The following POLQ variants were observed in gnomAD, a reference collection of about 807,000 sequenced individuals.
POLQ encodes epididymis secretory sperm binding protein.
In POLQ, 233 loss-of-function variants were observed where a neutral mutation model predicts 259.2. The ratio of observed to expected loss-of-function variants is 0.90; its 90% CI spans 0.81 to 1.00. POLQ has a LOEUF of 1.00. Ranked by LOEUF, POLQ falls within the 50% of genes least tolerant of loss-of-function variation. POLQ has a pLI of 0.00. For synonymous variants in POLQ, 1,025 were observed against 1,048.8 expected, an observed-to-expected ratio of 0.98 and a Z score of 0.44; for missense variants, 2,871 against 3,051.6, an observed-to-expected ratio of 0.94 and a Z score of 1.39.
At chr3:121,455,945 T>A (rs912761920) in intron 25 of POLQ, among the ~76,000 whole-genome samples, 43 of 152,134 alleles carry the variant, frequency 2.8e-4, no homozygotes, top group African/African-American at 9.9e-4. Flanking sequence ...AGAATTTTAG[T>A]CCAAAGTCCT....
At chr3:121,479,995 A>G (rs1031961925) in intron 19 of POLQ, among the ~76,000 whole-genome samples, 1 of 152,062 alleles carries the variant, frequency 6.6e-6, no homozygotes, top group East Asian at 1.9e-4. Context: ...GACATTAAAT[A>G]ATAATATTAT....
At chr3:121,509,789 A>C in intron 11 of POLQ, 86 bp from the exon 12 acceptor site, 1 of 1,331,974 alleles carries the variant, frequency 7.5e-7, no homozygotes, top group Non-Finnish European at 1.0e-6. Context: ...TTTCCATGCT[A>C]ACCCTCCCGG....
chr3:121,491,589 C>G (rs1438618019), intron 15 of POLQ, among the ~76,000 whole-genome samples: 2 of 152,050 alleles, frequency 1.3e-5, no homozygotes, highest in South Asian at 2.1e-4. Context: ...TAGATAACAA[C>G]CTGGAGTTCA....
chr3:121,458,199 C>T (rs956298706), intron 25 of POLQ, among the ~76,000 whole-genome samples: 1 of 151,772 alleles, frequency 6.6e-6, no homozygotes, highest in Non-Finnish European at 1.5e-5. Context: ...AACACATGGA[C>T]ACAGGAAGGG....
At chr3:121,433,189 C>T (rs1170317197) in intron 28 of POLQ, among the ~76,000 whole-genome samples, 156 bp from the exon 29 acceptor site, 1 of 152,184 alleles carries the variant, frequency 6.6e-6, no homozygotes, top group East Asian at 1.9e-4. Flanking sequence ...CTGGTCGCTA[C>T]CTACCCTAAG....
intron 26 of POLQ, among the ~76,000 whole-genome samples, chr3:121,446,543 A>G (rs1047353237): frequency 6.6e-6 from 1 of 152,036 alleles, no homozygotes; most frequent in Non-Finnish European, 1.5e-5. Flanking sequence ...ATCTCCAGTT[A>G]TTATTATTGG....
chr3:121,483,586 T>TTA lies in POLQ; in HGVS notation c.5774-5_5774-4insTA. The TTA allele has an allele frequency of 7.8e-7, 1 of 1,277,412 alleles. No individual in the cohort carries two copies. The highest frequency in any genetic ancestry group is 1.0e-6 in the Non-Finnish European group (1 of 969,098). The allele number at this position is 1,277,412 out of a possible 1,614,324, so 79.1% of individuals were successfully genotyped here. A position where few individuals can be genotyped will look rare whatever the true frequency, so the allele number is the denominator to read the frequency against. On this transcript the variant is annotated splice_region_variant and splice_polypyrimidine_tract_variant and intron_variant, in intron 17 of 29. Transcript: ENST00000264233. ...GGAACCAAACTGGCACTAATTTCTT[T>TTA]AAAAAAAAAAAAAAAAAGGAAAAAA...
rs746786413 is a variant in POLQ at position 121,488,319 on chromosome 3, C to T, written c.4612G>A (p.Val1538Ile). 2.5e-6 allele frequency: 4 copies of T among 1,612,508 alleles called. No individual in the cohort carries two copies. The highest frequency in any genetic ancestry group is 1.3e-5 in the African/African-American group (1 of 74,808). Reference protein sequence around the residue: ...LQEDLIKKSNVNENQDTHQQL... With the variant: ...LQEDLIKKSNINENQDTHQQL... ...TGGTGGGTATCTTGATTCTCATTTA[C>T]ATTTGATTTTTTAATTAGGTCTTCT... The change falls in exon 16 of 30, where the codon GTA becomes ATA. Residue 1538 changes from valine (V) to isoleucine (I), a missense_variant. Val to Ile is a conservative substitution (Grantham distance 29). This residue lies in a region of POLQ where 2,080 missense variants were observed against 2,126.0 expected (regional missense o/e 0.98). Transcript: ENST00000264233.
At position 121,487,491 on chromosome 3, in the gene POLQ, G is replaced by C. The variant is rs1366963569; in HGVS notation, c.5440C>G (p.Gln1814Glu). ...FSLQLSQDGL[Q>E]LTPASSSSES... is the part of the protein sequence containing the mutation. ...GAACTGCTTGAGGCTGGAGTTAACT[G>C]TAATCCATCCTGTGATAACTGAAGT... The change falls in exon 16 of 30, where the codon CAG (glutamine) becomes GAG (glutamate). Residue 1814 changes from glutamine to glutamate, a missense_variant. Gln to Glu is a conservative substitution (Grantham distance 29). Transcript: ENST00000264233. The C allele has an allele frequency of 6.2e-7, 1 of 1,614,022 alleles. No individual in the cohort carries two copies. Among genetic ancestry groups the C allele is most frequent in the Non-Finnish European group, 8.5e-7 (1 of 1,179,956 alleles).
chr3:121,489,236 T>C lies in POLQ; in HGVS notation c.3695A>G (p.Asn1232Ser), dbSNP rs1404614863. The part of the protein sequence containing the change: ...AVSSYINRDS[N>S]VTINCERIKL... ...TATCCTTTCACAATTGATAGTAACA[T>C]TTGAGTCTCTATTTATGTAACTACT... Residue 1232 changes from asparagine to serine, a missense_variant, in exon 16 of 30, where the codon AAT becomes AGT. Around this residue, in one of 3 missense-constraint regions of POLQ, gnomAD observed 2,080 missense variants for 2,126.0 expected, o/e 0.98. Transcript: ENST00000264233. The C allele has an allele frequency of 1.2e-6, 2 of 1,611,926 alleles. No homozygotes were observed. Among genetic ancestry groups the C allele is most frequent in the African/African-American group, 2.7e-5 (2 of 74,958 alleles).
chr3:121,529,323 T>C (rs1399550781), intron 7 of POLQ, among the ~76,000 whole-genome samples: 1 of 152,214 alleles, frequency 6.6e-6, no homozygotes, highest in Non-Finnish European at 1.5e-5. Flanking sequence ...AATGTCTACA[T>C]GTGAAGTTTT....
intron 22 of POLQ, among the ~76,000 whole-genome samples, chr3:121,471,680 T>C (rs2047884784): frequency 6.6e-6 from 1 of 151,990 alleles, no homozygotes; most frequent in Admixed American, 6.6e-5. Context: ...AGGCAGAGGT[T>C]GCAGGGAGGT....
In POLQ at chr3:121,493,509, C is replaced by T; in HGVS notation, c.2491G>A (p.Val831Met). The T allele has an allele frequency of 6.2e-7, 1 of 1,613,544 alleles. No individual in the cohort carries two copies. The highest frequency in any genetic ancestry group is 8.5e-7 in the Non-Finnish European group (1 of 1,179,580). The change falls in exon 15 of 30, where the codon GTG (valine) becomes ATG (methionine). Residue 831 changes from valine to methionine, a missense_variant. This residue lies in a region of POLQ where 2,080 missense variants were observed against 2,126.0 expected (regional missense o/e 0.98). Transcript: ENST00000264233. ...LARANIVEVE[V>M]ILKNAVPFKS... ...AAAGGCACAGCATTTTTCAGAATCA[C>T]CTCCACCTCCACAATATTTGCTCTA... is the stretch of plus-strand genomic sequence containing the variant.
chr3:121,529,861 C>T, intron 6 of POLQ, 69 bp from the exon 7 acceptor site: 1 of 1,194,312 alleles, frequency 8.4e-7, no homozygotes, highest in Non-Finnish European at 1.2e-6. Flanking sequence ...TTTAAAAGCA[C>T]TCATTTTCCT....
At chr3:121,474,172 A>G (rs1422826260) in intron 20 of POLQ, among the ~76,000 whole-genome samples, 1 of 152,224 alleles carries the variant, frequency 6.6e-6, no homozygotes, top group East Asian at 1.9e-4. Context: ...CCATAGATCA[A>G]CATGGAAGCT....
chr3:121,487,718 G>A lies in POLQ; in HGVS notation c.5213C>T (p.Thr1738Ile). Residue 1738 changes from threonine (T) to isoleucine (I), a missense_variant, in exon 16 of 30, where the codon ACA (threonine) becomes ATA (isoleucine). Transcript: ENST00000264233. ...CTTAGAAGCAGATGTTGGAATGGGT[G>A]TAGGAGGAATGAGACCATTATCATC... ...IVDDNGLIPP[T>I]PIPTSASKLT... The A allele has an allele frequency of 6.2e-7, 1 of 1,613,794 alleles. No individual in the cohort carries two copies. Among genetic ancestry groups the A allele is most frequent in the Non-Finnish European group, 8.5e-7 (1 of 1,179,692 alleles).
Position 121,496,860 on chromosome 3 carries a change from T to C in POLQ, c.2226A>G (p.Gly742=). 6 of 1,613,864 alleles carry C rather than the reference T, an allele frequency of 3.7e-6. No homozygotes were observed. The highest frequency in any genetic ancestry group is 5.1e-6 in the Non-Finnish European group (6 of 1,179,894). ...AAGATTGAATCTGCCCACGATTGCA[T>C]CCATATTTCTGATTTATTTCCCTTA... ...VPLREINQKY[G]CNRGQIQSLQ... is the part of the protein sequence containing the mutation. Residue 742 remains glycine (G), a synonymous_variant, in exon 14 of 30, where the codon GGA becomes GGG. Coordinates refer to ENST00000264233, the MANE Select transcript of POLQ (RefSeq NM_199420.4).
intron 26 of POLQ, among the ~76,000 whole-genome samples, chr3:121,443,782 AG>A (rs2047612333): frequency 6.6e-6 from 1 of 152,186 alleles, no homozygotes; most frequent in African/African-American, 2.4e-5. Flanking sequence ...ATAGAGAGAT[AG>A]GGGTCCAGTT....
intron 28 of POLQ, among the ~76,000 whole-genome samples, chr3:121,435,642 C>T (rs1185811573): frequency 6.6e-6 from 1 of 152,218 alleles, no homozygotes; most frequent in African/African-American, 2.4e-5. Flanking sequence ...CAAATTGAGA[C>T]ATGCATCATC....
Sources: gnomAD v4.1 joint callset for allele counts (sites outside exome capture counted in the v4.1 genomes callset) on GRCh38, gnomAD v4.1.1 for gene constraint, gnomAD v4.1.1 regional missense constraint, MANE v1.5 for transcripts, NCBI Gene and HGNC (gene_info 2026-07-23, HGNC 2026-07-21) for gene names.